USP43: variants seen among roughly 807,000 people sequenced by gnomAD.
USP43 encodes the protein ubiquitin carboxyl-terminal hydrolase 43.
Under a neutral mutation model 90.7 loss-of-function variants are expected in USP43, and 33 were observed. The observed-to-expected ratio is 0.36, with a 90% confidence interval of 0.28 to 0.49. The LOEUF is 0.49. USP43 is among the 20% of genes least tolerant of loss of function. USP43 has a pLI of 0.98. For missense variants in USP43, 1,274 were observed against 1,476.4 expected, an observed-to-expected ratio of 0.86 and a Z score of 2.25; for synonymous variants, 598 against 615.8, an observed-to-expected ratio of 0.97 and a Z score of 0.43.
chr17:9,694,783 C>T (rs1441431296), intron 9 of USP43, among the ~76,000 whole-genome samples: 3 of 152,126 alleles, frequency 2.0e-5, no homozygotes, highest in Non-Finnish European at 4.4e-5. Context: ...GCCATCACGC[C>T]TGGCTAATTT....
At chr17:9,718,982 G>T (rs1916771336) in intron 14 of USP43, among the ~76,000 whole-genome samples, 1 of 152,014 alleles carries the variant, frequency 6.6e-6, no homozygotes, top group Admixed American at 6.6e-5. Flanking sequence ...AGTGTCTATG[G>T]CTGGGCACCG....
At chr17:9,708,197 G>A (rs1468111698) in intron 12 of USP43, among the ~76,000 whole-genome samples, 1 of 152,252 alleles carries the variant, frequency 6.6e-6, no homozygotes, top group African/African-American at 2.4e-5. Flanking sequence ...TTGATGAAGG[G>A]TGGGGCTGGA....
intron 9 of USP43, among the ~76,000 whole-genome samples, chr17:9,699,187 C>T (rs1427336758): frequency 6.6e-6 from 1 of 152,190 alleles, no homozygotes; most frequent in African/African-American, 2.4e-5. Context: ...TCTACAATCC[C>T]ACCAATCAGA....
intron 14 of USP43, among the ~76,000 whole-genome samples, chr17:9,725,246 C>G (rs1054559021): frequency 2.0e-5 from 3 of 149,200 alleles, no homozygotes; most frequent in African/African-American, 4.9e-5. Flanking sequence ...CAGGAAGAAC[C>G]TAACGGCCTG....
At chr17:9,708,362 A>T (rs1916005314) in intron 12 of USP43, among the ~76,000 whole-genome samples, 1 of 152,166 alleles carries the variant, frequency 6.6e-6, no homozygotes, top group Non-Finnish European at 1.5e-5. Flanking sequence ...TGTAGAAGGG[A>T]TCTAGAGTGG....
intron 14 of USP43, among the ~76,000 whole-genome samples, chr17:9,715,687 ATG>A (rs753790047): frequency 6.6e-5 from 6 of 91,582 alleles, no homozygotes; most frequent in Non-Finnish European, 1.3e-4. Context: ...GTCTGTGTGT[ATG>A]TGTGTGTGTC....
At chr17:9,716,130 T>A (rs1296086389) in intron 14 of USP43, among the ~76,000 whole-genome samples, 4 of 143,270 alleles carry the variant, frequency 2.8e-5, no homozygotes, top group Non-Finnish European at 3.0e-5. Flanking sequence ...GAGTGTGTGA[T>A]CTTTAGCCTT....
In USP43 at chr17:9,648,938, C is replaced by CCT. The variant is rs112759856; in HGVS notation, c.504+2822_504+2823dup. ...CTCTCCCACTCTTTCTGTCTCTCTC[C>CCT]CTCTCTCTCTCTCTCTCTCTCCCTC... On this transcript the variant is annotated intron_variant, in intron 1 of 14. Coordinates refer to ENST00000285199, the MANE Select transcript of USP43 (RefSeq NM_153210.5). 3.1e-3 allele frequency among the ~76,000 whole-genome samples: 400 copies of CCT among 129,836 alleles called. 1 individual carries two copies. Among genetic ancestry groups the CCT allele is most frequent in the African/African-American group, 4.9e-3 (154 of 31,622 alleles). 85.2% of individuals were successfully genotyped at this position (129,836 alleles called of 152,430 possible).
chr17:9,679,342 C>T (rs924419902), intron 5 of USP43, among the ~76,000 whole-genome samples: 2 of 151,298 alleles, frequency 1.3e-5, no homozygotes, highest in African/African-American at 4.9e-5. Context: ...GCTGGGACTA[C>T]AGGCTCATGC....
At position 9,697,506 on chromosome 17, in the gene USP43, C is replaced by T. The variant is rs140604986; in HGVS notation, c.1458-2666C>T. ...TTCTTCCCTCCCCCATTTTGCAGTGCTCAATATCTATTGTTCCCATCTTTA... is the reference window on the plus strand; with the variant it reads ...TTCTTCCCTCCCCCATTTTGCAGTGTTCAATATCTATTGTTCCCATCTTTA... On this transcript the variant is annotated intron_variant, in intron 9 of 14. Transcript: ENST00000285199. Among the ~76,000 whole-genome samples the T allele has an allele frequency of 3.7e-3, 559 of 152,164 alleles. 2 individuals carry two copies. Among genetic ancestry groups the T allele is most frequent in the African/African-American group, 0.013 (532 of 41,520 alleles).
At position 9,728,703 on chromosome 17, in the gene USP43, G is replaced by C; in HGVS notation, c.3085G>C (p.Gly1029Arg). 2 of 1,606,234 alleles carry C rather than the reference G, an allele frequency of 1.2e-6. No homozygotes were observed. Among genetic ancestry groups the C allele is most frequent in the East Asian group, 2.2e-5 (1 of 44,500 alleles). ...GCCCCCCGTCTCCCTGGTGAGTGGC[G>C]GGCTGAGCCCTGCCATGGACGGGCA... Reference protein sequence around the residue: ...QVPPVSLVSGGLSPAMDGQAP... With the variant: ...QVPPVSLVSGRLSPAMDGQAP... Residue 1029 changes from glycine to arginine, a missense_variant, in exon 15 of 15, where the codon GGG (glycine) becomes CGG (arginine). This residue lies in a region of USP43 where 353 missense variants were observed against 329.7 expected (regional missense o/e 1.07). Transcript: ENST00000285199. This position sits in a 1 kb window ranked among gnomAD's most constrained non-coding sequence, Gnocchi z 6.2.
chr17:9,711,954 T>C lies in USP43; in HGVS notation c.2171-14T>C, dbSNP rs773451530. ...GGGTTGGGCTCAGCCTCCCTCTCTG[T>C]GTTTCCTCCACAGGCTCTACCAGCT... On this transcript the variant is annotated splice_polypyrimidine_tract_variant and intron_variant, in intron 13 of 14. Coordinates refer to ENST00000285199, the MANE Select transcript of USP43 (RefSeq NM_153210.5). 6.3e-7 allele frequency: 1 copy of C among 1,582,356 alleles called. No individual in the cohort carries two copies. The highest frequency in any genetic ancestry group is 1.2e-5 in the South Asian group (1 of 86,352).
chr17:9,684,590 C>G (rs911287510), intron 7 of USP43, among the ~76,000 whole-genome samples: 43 of 151,748 alleles, frequency 2.8e-4, no homozygotes, highest in Admixed American at 2.7e-3. Context: ...ATGGAGAAAC[C>G]CCATCCCTAC....
In USP43 at chr17:9,728,587, G is replaced by C. The variant is rs1191891667; in HGVS notation, c.2969G>C (p.Arg990Thr). ...DSRRGTSELD[R>T]PLQGTLTLLR... ...CGCCGAGGCACCTCTGAGCTAGACA[G>C]ACCCCTGCAGGGGACACTCACCCTT... Residue 990 changes from arginine (R) to threonine (T), a missense_variant, in exon 15 of 15, where the codon AGA becomes ACA. This residue lies in a region of USP43 where 353 missense variants were observed against 329.7 expected (regional missense o/e 1.07). Transcript: ENST00000285199. The surrounding 1 kb of genome is among the most constrained non-coding windows in gnomAD (Gnocchi z 6.2). The C allele has an allele frequency of 1.2e-6, 2 of 1,613,878 alleles. No homozygotes were observed. Among genetic ancestry groups the C allele is most frequent in the South Asian group, 1.1e-5 (1 of 91,084 alleles).
chr17:9,694,850 C>T (rs915174728), intron 9 of USP43, among the ~76,000 whole-genome samples: 1 of 152,152 alleles, frequency 6.6e-6, no homozygotes, highest in Non-Finnish European at 1.5e-5. Flanking sequence ...TCTCGAACTC[C>T]TGACCTCAAG....
intron 6 of USP43, 62 bp from the exon 7 acceptor site, chr17:9,682,761 G>A: frequency 6.3e-7 from 1 of 1,580,482 alleles, no homozygotes; most frequent in Non-Finnish European, 8.6e-7. Context: ...AGAAGCTAAG[G>A]CTCTGACCCA....
At position 9,662,278 on chromosome 17, in the gene USP43, T is replaced by C. The variant is rs187684616; in HGVS notation, c.637-4370T>C. Among the ~76,000 whole-genome samples the C allele has an allele frequency of 3.0e-3, 459 of 152,236 alleles. 1 individual carries two copies. Among genetic ancestry groups the C allele is most frequent in the South Asian group, 7.7e-3 (37 of 4,808 alleles). On this transcript the variant is annotated intron_variant, in intron 2 of 14. Coordinates refer to ENST00000285199, the MANE Select transcript of USP43 (RefSeq NM_153210.5). ...CTACTACCAAAGGAGGAGGAGTGGA[T>C]ACGGGGCAGTCAAAATAGGCTAGGG...
chr17:9,700,377 C>G (rs777770412), intron 10 of USP43, 128 bp downstream of exon 10: 2 of 821,974 alleles, frequency 2.4e-6, no homozygotes, highest in Non-Finnish European at 3.8e-6. Context: ...CAGTGTAACC[C>G]GTTCCTGTGA....
chr17:9,646,181 C>A lies in USP43; in HGVS notation c.504+45C>A, dbSNP rs1002902644. The A allele has an allele frequency of 2.2e-6, 3 of 1,388,310 alleles. No individual in the cohort carries two copies. In the African/African-American group the frequency reaches 4.6e-5, roughly 21 times the overall value. The allele number at this position is 1,388,310 out of a possible 1,614,324, so 86.0% of individuals were successfully genotyped here. On this transcript the variant is annotated intron_variant, in intron 1 of 14. Coordinates refer to ENST00000285199, the MANE Select transcript of USP43 (RefSeq NM_153210.5). ...CGACCGCCCTGTCCCCCTGGTTTCG[C>A]CTCTTGAAAAGTGTGTGCACGATCA...
Sources: gnomAD v4.1 joint callset for allele counts (sites outside exome capture counted in the v4.1 genomes callset) on GRCh38, gnomAD v4.1.1 for gene constraint, gnomAD v4.1.1 regional missense constraint, Gnocchi (gnomAD v3.1) non-coding constraint, MANE v1.5 for transcripts, NCBI Gene and HGNC (gene_info 2026-07-23, HGNC 2026-07-21) for gene names.